The following NFIB variants were observed in gnomAD, a reference collection of about 807,000 sequenced individuals.
NFIB encodes the protein nuclear factor 1 B-type.
In NFIB, 11 loss-of-function variants were observed where a neutral mutation model predicts 61.5. The observed-to-expected ratio is 0.18, with a 90% CI of 0.11 to 0.30. The LOEUF is 0.30. Ranked by LOEUF, NFIB falls within the 10% of genes least tolerant of loss-of-function variation. The probability of loss-of-function intolerance (pLI) is 1.00; values close to 1 mark genes in which losing one functional copy is unlikely to be tolerated. For missense variants in NFIB, 471 were observed against 608.9 expected (o/e 0.77, Z 2.38); for synonymous variants, 260 against 216.5 (o/e 1.20, Z -1.76).
the NFIB span, among the ~76,000 whole-genome samples, chr9:14,431,434 A>G: frequency 5.9e-5 from 9 of 152,308 alleles, no homozygotes; most frequent in African/African-American, 1.9e-4. Flanking sequence ...GAGTCTATCA[A>G]TGGAGGCTGG....
chr9:14,197,479 G>A (rs752397433), intron 2 of NFIB, among the ~76,000 whole-genome samples: 2 of 152,178 alleles, frequency 1.3e-5, no homozygotes, highest in African/African-American at 4.8e-5. Flanking sequence ...CCAGCCCTCC[G>A]ATATAGAAAA....
At chr9:14,433,404 C>A in the NFIB span, among the ~76,000 whole-genome samples, 2 of 152,132 alleles carry the variant, frequency 1.3e-5, no homozygotes, top group African/African-American at 4.8e-5. Context: ...CTTACATTAT[C>A]CAATGATGCA....
intron 6 of NFIB, among the ~76,000 whole-genome samples, chr9:14,126,265 A>G (rs1345510383): frequency 6.6e-6 from 1 of 152,238 alleles, no homozygotes; most frequent in African/African-American, 2.4e-5. Context: ...CTCCTTCTGC[A>G]AACGTTTACT....
At chr9:14,283,483 C>A (rs1369985292) in intron 2 of NFIB, among the ~76,000 whole-genome samples, 1 of 152,194 alleles carries the variant, frequency 6.6e-6, no homozygotes, top group African/African-American at 2.4e-5. Context: ...GTGTAACTAA[C>A]TGGCAAGTCT....
intron 1 of NFIB, among the ~76,000 whole-genome samples, chr9:14,340,541 A>G (rs2060937654): frequency 6.6e-6 from 1 of 152,182 alleles, no homozygotes; most frequent in East Asian, 1.9e-4. Context: ...CAGAGGATAA[A>G]ATGTTTTTCC....
chr9:14,352,344 G>T (rs2061123073), intron 1 of NFIB, among the ~76,000 whole-genome samples: 2 of 151,898 alleles, frequency 1.3e-5, no homozygotes, highest in Non-Finnish European at 2.9e-5. Context: ...TCACCACCAA[G>T]ATAACAAACC....
intron 2 of NFIB, among the ~76,000 whole-genome samples, chr9:14,213,266 T>A (rs1450927758): frequency 1.3e-5 from 2 of 152,168 alleles, no homozygotes; most frequent in African/African-American, 4.8e-5. Context: ...GGAAAGTTAC[T>A]TATCTTTGGA....
chr9:14,397,874 G>A (rs1478143655), intron 1 of NFIB, among the ~76,000 whole-genome samples: 1 of 152,182 alleles, frequency 6.6e-6, no homozygotes, highest in African/African-American at 2.4e-5. Flanking sequence ...AGATAAAACA[G>A]AAAAGTGACA....
At chr9:14,470,069 C>T in the NFIB span, among the ~76,000 whole-genome samples, 1 of 152,198 alleles carries the variant, frequency 6.6e-6, no homozygotes, top group African/African-American at 2.4e-5. Flanking sequence ...CTTCAGCAAG[C>T]TAATTAACCT....
chr9:14,437,174 C>A, the NFIB span, among the ~76,000 whole-genome samples: 1 of 152,198 alleles, frequency 6.6e-6, no homozygotes, highest in Non-Finnish European at 1.5e-5. Context: ...ATTCTTTATG[C>A]CTCTGACATG....
the NFIB span, among the ~76,000 whole-genome samples, chr9:14,527,149 A>G: frequency 6.6e-6 from 1 of 152,186 alleles, no homozygotes; most frequent in Admixed American, 6.5e-5. Flanking sequence ...AAATGGTACC[A>G]CAAATGAAAA....
rs2032855428 is a variant in NFIB, at chr9:14,086,290, C to A, written c.*2019G>T. 3 of 221,008 alleles carry A rather than the reference C, an allele frequency of 1.4e-5. No individual in the cohort carries two copies. The highest frequency in any genetic ancestry group is 2.7e-5 in the Non-Finnish European group (3 of 110,068). 13.7% of individuals were successfully genotyped at this position (221,008 alleles called of 1,614,324 possible). A position where few individuals can be genotyped will look rare whatever the true frequency, so the allele number is the denominator to read the frequency against. On this transcript the variant is annotated 3_prime_UTR_variant, in exon 11 of 11. Coordinates refer to ENST00000380953, the MANE Select transcript of NFIB (RefSeq NM_001190737.2). Reference sequence around the variant, plus strand: ...ATTAAAAAAAATCCCCTGTCCATCTCTCAGTACACAAAAGGACCTCATCAC... The same window carrying A: ...ATTAAAAAAAATCCCCTGTCCATCTATCAGTACACAAAAGGACCTCATCAC...
the NFIB span, among the ~76,000 whole-genome samples, chr9:14,494,049 G>T: frequency 6.6e-6 from 1 of 152,178 alleles, no homozygotes; most frequent in Admixed American, 6.5e-5. Flanking sequence ...GCTGATACAT[G>T]AGACATATTC....
chr9:14,294,111 T>C (rs2059272639), intron 2 of NFIB, among the ~76,000 whole-genome samples: 2 of 152,370 alleles, frequency 1.3e-5, no homozygotes, highest in South Asian at 4.1e-4. Context: ...CTGTGTTTGT[T>C]AGTACTAAGA....
intron 2 of NFIB, among the ~76,000 whole-genome samples, chr9:14,209,028 TA>T (rs2050040071): frequency 6.6e-6 from 1 of 152,314 alleles, no homozygotes; most frequent in Middle Eastern, 3.4e-3. Context: ...GTAAACAAGT[TA>T]TTTTTTTCCA....
chr9:14,391,781 C>T lies in NFIB; in HGVS notation c.108+6743G>A, dbSNP rs572524209. On this transcript the variant is annotated intron_variant, in intron 1 of 8. Coordinates refer to the NFIB transcript ENST00000380934. ...AATGTATAAAACCCCAAGTCCAGGG[C>T]TGAACAGGACACTGAGAACTCTCAA... Among the ~76,000 whole-genome samples the T allele has an allele frequency of 6.6e-5, 10 of 152,310 alleles. No individual in the cohort carries two copies. In the East Asian group the frequency reaches 1.9e-3, roughly 29 times the overall value.
the NFIB span, among the ~76,000 whole-genome samples, chr9:14,424,915 C>T: frequency 6.6e-6 from 1 of 152,102 alleles, no homozygotes; most frequent in Non-Finnish European, 1.5e-5. Flanking sequence ...GTGCTGGCAA[C>T]ATTAGGAGGA....
At chr9:14,438,020 G>C in the NFIB span, among the ~76,000 whole-genome samples, 1 of 151,794 alleles carries the variant, frequency 6.6e-6, no homozygotes, top group Non-Finnish European at 1.5e-5. Context: ...TAGTGTGTGT[G>C]TGTGTGTGTG....
chr9:14,217,381 C>T (rs184155557), intron 2 of NFIB, among the ~76,000 whole-genome samples: 4 of 152,198 alleles, frequency 2.6e-5, no homozygotes, highest in Admixed American at 2.6e-4. Flanking sequence ...ACAAACTAGG[C>T]TGGGCGCGGT....
Sources: gnomAD v4.1 joint callset for allele counts (sites outside exome capture counted in the v4.1 genomes callset) on GRCh38, gnomAD v4.1.1 for gene constraint, MANE v1.5 for transcripts, NCBI Gene and HGNC (gene_info 2026-07-23, HGNC 2026-07-21) for gene names.